Variants in TOB1 observed in about 807,000 individuals in gnomAD.
The protein encoded by TOB1 is protein Tob1.
In TOB1, 2 loss-of-function variants were observed where a neutral mutation model predicts 22.9. That is an observed-to-expected ratio of 0.09 (90% CI 0.04 to 0.28). The LOEUF (loss-of-function observed/expected upper bound fraction) is 0.28, where lower values mean the gene tolerates loss of function less well. TOB1 is among the 10% of genes least tolerant of loss of function. TOB1 has a pLI of 1.00. For missense variants in TOB1, 299 were observed against 420.5 expected (o/e 0.71, Z 2.53); for synonymous variants, 154 against 150.6 (o/e 1.02, Z -0.17).
rs1972255529 is a variant in TOB1 at position 50,863,825 on chromosome 17, C to G, written c.193G>C (p.Asp65His). 1.2e-6 allele frequency: 2 copies of G among 1,613,912 alleles called. No homozygotes were observed. ...FRCIHIGEKV[D>H]PVIEQASKES... Reference sequence around the variant, plus strand: ...TTGGATGCTTGTTCAATCACTGGGTCCACTTTCTCCCCTATGTGTATACAT... The same window carrying G: ...TTGGATGCTTGTTCAATCACTGGGTGCACTTTCTCCCCTATGTGTATACAT... Residue 65 changes from aspartate to histidine, a missense_variant, in exon 2 of 2, where the codon GAC becomes CAC. Physicochemically the swap from Asp to His is moderately conservative, Grantham distance 81 (BLOSUM62 -1). Coordinates refer to ENST00000499247, the MANE Select transcript of TOB1 (RefSeq NM_005749.4).
chr17:50,865,176 C>G (rs1001745085), intron 1 of TOB1, among the ~76,000 whole-genome samples: 1 of 152,218 alleles, frequency 6.6e-6, no homozygotes, highest in Admixed American at 6.5e-5. Context: ...GTTTAAAAAT[C>G]AAGTTGGTCT....
rs71149322 is a variant in TOB1, at chr17:50,864,056, CAAAA to C, written c.-43_-40del. The C allele has an allele frequency of 3.4e-3, 3,551 of 1,034,900 alleles. 2 individuals carry two copies. Among genetic ancestry groups the C allele is most frequent in the East Asian group, 0.014 (332 of 24,486 alleles). 64.1% of individuals were successfully genotyped at this position (1,034,900 alleles called of 1,614,324 possible). On this transcript the variant is annotated 5_prime_UTR_variant, in exon 2 of 2. Coordinates refer to ENST00000499247, the MANE Select transcript of TOB1 (RefSeq NM_005749.4). ...CAAAATTAGGTTTCAACTCCCCCAC[CAAAA>C]AAAAAAAAAAAAAAAAAAGATGTTC...
At position 50,863,837 on chromosome 17, in the gene TOB1, C is replaced by T. The variant is rs754391215; in HGVS notation, c.181G>A (p.Gly61Arg). 1 of 1,614,070 alleles carries T rather than the reference C, an allele frequency of 6.2e-7. No homozygotes were observed. The highest frequency in any genetic ancestry group is 8.5e-7 in the Non-Finnish European group (1 of 1,180,020). ...TCAATCACTGGGTCCACTTTCTCCCCTATGTGTATACATCTAAACCCCGAT... is the reference window on the plus strand; with the variant it reads ...TCAATCACTGGGTCCACTTTCTCCCTTATGTGTATACATCTAAACCCCGAT... ...KGSGFRCIHI[G>R]EKVDPVIEQA... Residue 61 changes from glycine (G) to arginine (R), a missense_variant, in exon 2 of 2, where the codon GGG becomes AGG. Coordinates refer to ENST00000499247, the MANE Select transcript of TOB1 (RefSeq NM_005749.4).
intron 1 of TOB1, among the ~76,000 whole-genome samples, chr17:50,865,209 A>T (rs1020474256): frequency 1.3e-5 from 2 of 152,240 alleles, no homozygotes; most frequent in Non-Finnish European, 2.9e-5. Flanking sequence ...TCTATTTTCC[A>T]TATTCGTGGT....
In TOB1 at chr17:50,862,958, T is replaced by A. The variant is rs1972235587; in HGVS notation, c.*22A>T. The A allele has an allele frequency of 1.9e-6, 3 of 1,573,168 alleles. No homozygotes were observed. Among genetic ancestry groups the A allele is most frequent in the East Asian group, 4.5e-5 (2 of 44,550 alleles). On this transcript the variant is annotated 3_prime_UTR_variant, in exon 2 of 2. Transcript: ENST00000499247. The stretch of plus-strand genomic sequence containing the variant: ...CCCCTTGGGCCCGTGCATTTTAACT[T>A]GTACGATACATTTTCTTTTTTTTAG...
intron 1 of TOB1, among the ~76,000 whole-genome samples, 145 bp downstream of exon 1, chr17:50,865,892 TCCCCTCGGGTCCTGGCGCTGC>T (rs1462363847): frequency 2.0e-5 from 3 of 151,038 alleles, no homozygotes; most frequent in Non-Finnish European, 4.4e-5. Context: ...TCGGAGCCGC[TCCCCTCGGGTCCTGGCGCTGC>T]CCCCTCGGCG....
upstream of TOB1, chr17:50,867,913 A>T (rs1972339977): frequency 6.6e-6 from 1 of 152,162 alleles, no homozygotes; most frequent in Non-Finnish European, 1.5e-5. Flanking sequence ...GTGGACGCAA[A>T]ATCTGGTTGG....
rs200537818 is a variant in TOB1 at position 50,863,266 on chromosome 17, G to T, written c.752C>A (p.Pro251Gln). The change falls in exon 2 of 2, where the codon CCG becomes CAG. Residue 251 changes from proline (P) to glutamine (Q), a missense_variant. Transcript: ENST00000499247. The part of the protein sequence containing the change: ...QQQQQPAQPP[P>Q]PPPPPQQQQQ... ...TTGCTGCTGTGGTGGTGGTGGTGGC[G>T]GTGGCGGCTGGGCTGGCTGCTGCTG... 1 of 1,613,666 alleles carries T rather than the reference G, an allele frequency of 6.2e-7. No homozygotes were observed. Among genetic ancestry groups the T allele is most frequent in the Non-Finnish European group, 8.5e-7 (1 of 1,179,914 alleles).
chr17:50,867,222 G>A (rs1167766167), upstream of TOB1: 1 of 152,322 alleles, frequency 6.6e-6, no homozygotes, highest in East Asian at 1.9e-4. Context: ...AACTGCGTAT[G>A]TATCTGTGTC....
intron 1 of TOB1, among the ~76,000 whole-genome samples, chr17:50,864,467 TAGAACA>T (rs1292413974): frequency 2.3e-4 from 35 of 152,200 alleles, no homozygotes; most frequent in Non-Finnish European, 4.7e-4. Flanking sequence ...GAAAAATCTC[TAGAACA>T]TGCATTCTTC....
Position 50,862,920 on chromosome 17 carries a change from G to A in TOB1, c.*60C>T, listed in dbSNP as rs1597989339. ...TAAAAAAAAAAATTCTCAAGGAGGT[G>A]AAAAAAAAAATCCCCCTTGGGCCCG... is the stretch of plus-strand genomic sequence containing the variant. On this transcript the variant is annotated 3_prime_UTR_variant, in exon 2 of 2. Transcript: ENST00000499247. 7.2e-7 allele frequency: 1 copy of A among 1,390,236 alleles called. No individual in the cohort carries two copies. Among genetic ancestry groups the A allele is most frequent in the East Asian group, 2.5e-5 (1 of 39,936 alleles). 86.1% of individuals were successfully genotyped at this position (1,390,236 alleles called of 1,614,324 possible).
chr17:50,865,471 G>A (rs945728134), intron 1 of TOB1, among the ~76,000 whole-genome samples: 2 of 152,126 alleles, frequency 1.3e-5, no homozygotes, highest in Non-Finnish European at 2.9e-5. Context: ...CGCTACAGCA[G>A]CAGCAACAGC....
chr17:50,862,739 CT>C lies in TOB1; in HGVS notation c.*240del. On this transcript the variant is annotated 3_prime_UTR_variant, in exon 2 of 2. Transcript: ENST00000499247. ...TAAAAAAAAATCAGCCATGTCCTTG[CT>C]ATATCTTAAATACTGTAAGAGGCCA... is the stretch of plus-strand genomic sequence containing the variant. 1 of 437,434 alleles carries C rather than the reference CT, an allele frequency of 2.3e-6. No homozygotes were observed. Among genetic ancestry groups the C allele is most frequent in the Non-Finnish European group, 3.7e-6 (1 of 268,604 alleles). 27.1% of individuals were successfully genotyped at this position (437,434 alleles called of 1,614,324 possible).
chr17:50,866,603 C>T (rs1293395169), upstream of TOB1: 2 of 152,510 alleles, frequency 1.3e-5, no homozygotes, highest in South Asian at 2.1e-4. Flanking sequence ...GCCGCACCCT[C>T]CGGGCTCCAG....
Position 50,862,692 on chromosome 17 carries a change from C to A in TOB1, c.*288G>T. ...TACAATTAGAAAAGACCAATAAACC[C>A]ACTTATTAGTGCCAATTTTTATAAA... On this transcript the variant is annotated 3_prime_UTR_variant, in exon 2 of 2. Transcript: ENST00000499247. 1 of 281,598 alleles carries A rather than the reference C, an allele frequency of 3.6e-6. No individual in the cohort carries two copies. Among genetic ancestry groups the A allele is most frequent in the Non-Finnish European group, 6.5e-6 (1 of 153,784 alleles). The allele number at this position is 281,598 out of a possible 1,614,324, so 17.4% of individuals were successfully genotyped here.
Position 50,864,031 on chromosome 17 carries a change from CA to C in TOB1, c.-15del. Reference sequence around the variant, plus strand: ...TTCAAGCTGCATAGCTGCTACGCCACAAAATTAGGTTTCAACTCCCCCACCA... The same window carrying C: ...TTCAAGCTGCATAGCTGCTACGCCACAAATTAGGTTTCAACTCCCCCACCA... On this transcript the variant is annotated 5_prime_UTR_variant, in exon 2 of 2. Coordinates refer to ENST00000499247, the MANE Select transcript of TOB1 (RefSeq NM_005749.4). The C allele has an allele frequency of 1.6e-6, 1 of 611,664 alleles. No homozygotes were observed. The highest frequency in any genetic ancestry group is 2.2e-6 in the Non-Finnish European group (1 of 449,432). The allele number at this position is 611,664 out of a possible 1,614,324, so 37.9% of individuals were successfully genotyped here.
rs1972257253 is a variant in TOB1 at position 50,863,906 on chromosome 17, T to C, written c.112A>G (p.Lys38Glu). The C allele has an allele frequency of 6.2e-7, 1 of 1,614,112 alleles. No individual in the cohort carries two copies. Among genetic ancestry groups the C allele is most frequent in the Admixed American group, 1.7e-5 (1 of 60,002 alleles). The change falls in exon 2 of 2, where the codon AAG becomes GAG. Residue 38 changes from lysine to glutamate, a missense_variant. Coordinates refer to ENST00000499247, the MANE Select transcript of TOB1 (RefSeq NM_005749.4). ...GGATACCAGTGCCCTTCATATTTCT[T>C]CTTAAGAAGTCTTTCAAGTTCTTCA... ...FGEELERLLK[K>E]KYEGHWYPEK...
rs1972262831 is a variant in TOB1, at chr17:50,864,140, C to T, written c.-123G>A. 7.1e-7 allele frequency: 1 copy of T among 1,406,910 alleles called. No homozygotes were observed. The highest frequency in any genetic ancestry group is 1.6e-5 in the South Asian group (1 of 60,972). 87.2% of individuals were successfully genotyped at this position (1,406,910 alleles called of 1,614,324 possible). A position where few individuals can be genotyped will look rare whatever the true frequency, so the allele number is the denominator to read the frequency against. On this transcript the variant is annotated 5_prime_UTR_variant, in exon 2 of 2. Transcript: ENST00000499247. ...CAAAGTGCTGGTATTAGTAGATTAT[C>T]CTTCACCTTGAGTGATCTTGTTCCT...
rs761716767 is a variant in TOB1, at chr17:50,863,482, G to C, written c.536C>G (p.Thr179Ser). The C allele has an allele frequency of 6.2e-7, 1 of 1,614,232 alleles. No homozygotes were observed. The highest frequency in any genetic ancestry group is 1.1e-5 in the South Asian group (1 of 91,090). ...PRSTQPLTFT[T>S]ATFAATKFGS... ...GAACTTGGTGGCAGCAAAAGTGGCA[G>C]TGGTAAAGGTTAAAGGCTGAGTGGA... Residue 179 changes from threonine (T) to serine (S), a missense_variant, in exon 2 of 2, where the codon ACT becomes AGT. Thr to Ser is a moderately conservative substitution (Grantham distance 58, BLOSUM62 1). Coordinates refer to ENST00000499247, the MANE Select transcript of TOB1 (RefSeq NM_005749.4).
Sources: allele counts gnomAD v4.1 joint callset (sites outside exome capture counted in the v4.1 genomes callset), GRCh38; gene constraint gnomAD v4.1.1; transcripts MANE v1.5; gene names NCBI Gene and HGNC (gene_info 2026-07-23, HGNC 2026-07-21).